Variants in FAM3B observed in about 807,000 individuals in gnomAD.
The protein encoded by FAM3B is FAM3 metabolism regulating signaling molecule B, also known as protein FAM3B.
FAM3B carries 29 observed loss-of-function variants against 28.4 expected under a neutral mutation model. The observed-to-expected ratio is 1.02, with a 90% CI of 0.76 to 1.39. FAM3B has a LOEUF of 1.39. Ranked by LOEUF, FAM3B falls within the 40% of genes most tolerant of loss-of-function variation. The pLI is 0.00. For synonymous variants in FAM3B, 91 were observed against 103.0 expected, an observed-to-expected ratio of 0.88 and a Z score of 0.71; for missense variants, 266 against 293.9, an observed-to-expected ratio of 0.91 and a Z score of 0.69.
At chr21:41,319,527 G>A (rs1374757276) in intron 1 of FAM3B, 1 of 152,434 alleles carries the variant, frequency 6.6e-6, no homozygotes, top group African/African-American at 2.4e-5. Flanking sequence ...CCCCACCTCT[G>A]AAGCTGCTGG....
chr21:41,316,552 T>C (rs2088749905), upstream of FAM3B, among the ~76,000 whole-genome samples: 1 of 152,194 alleles, frequency 6.6e-6, no homozygotes, highest in Admixed American at 6.6e-5. Context: ...GTTTCCTCCC[T>C]TCAGAGCCAA....
chr21:41,307,833 A>T (rs1403455767), intron 1 of FAM3B, among the ~76,000 whole-genome samples: 1 of 152,186 alleles, frequency 6.6e-6, no homozygotes, highest in African/African-American at 2.4e-5. Context: ...CTGATCACAG[A>T]TCCCCATACC....
chr21:41,304,410 C>T (rs553430074), intron 1 of FAM3B: 3 of 410,092 alleles, frequency 7.3e-6, no homozygotes, highest in Non-Finnish European at 1.5e-5. Context: ...GAGTCGCCCC[C>T]GAAGGGCCCC....
chr21:41,315,800 A>G (rs1424487187), upstream of FAM3B, among the ~76,000 whole-genome samples: 3 of 152,112 alleles, frequency 2.0e-5, no homozygotes, highest in Non-Finnish European at 1.5e-5. Context: ...AGCAAAGACA[A>G]TGGTGGAGGG....
At chr21:41,351,099 T>G (rs2089116048) in intron 7 of FAM3B, among the ~76,000 whole-genome samples, 1 of 152,238 alleles carries the variant, frequency 6.6e-6, no homozygotes, top group Non-Finnish European at 1.5e-5. Flanking sequence ...GCTGAAATCC[T>G]TTTTAACTCA....
intron 3 of FAM3B, 135 bp downstream of exon 3, chr21:41,338,636 T>C: frequency 8.3e-7 from 1 of 1,201,140 alleles, no homozygotes; most frequent in Non-Finnish European, 1.1e-6. Flanking sequence ...GCTGAGAGCA[T>C]CCAAGTGGAA....
At chr21:41,321,954 C>G (rs953849159) in intron 1 of FAM3B, among the ~76,000 whole-genome samples, 2 of 152,106 alleles carry the variant, frequency 1.3e-5, no homozygotes, top group Non-Finnish European at 1.5e-5. Context: ...TTCTTTCCTC[C>G]CTGTCTCTCT....
At chr21:41,317,753 C>T (rs763627063) in intron 1 of FAM3B, among the ~76,000 whole-genome samples, 9 of 152,156 alleles carry the variant, frequency 5.9e-5, no homozygotes, top group Non-Finnish European at 1.2e-4. Flanking sequence ...TTGGACTGAA[C>T]CATCGCCATT....
chr21:41,332,432 TG>T (rs1414737215), intron 2 of FAM3B, among the ~76,000 whole-genome samples: 2 of 152,242 alleles, frequency 1.3e-5, no homozygotes, highest in African/African-American at 2.4e-5. Flanking sequence ...ATTAATATTT[TG>T]TTGAGGAATT....
At position 41,326,898 on chromosome 21, in the gene FAM3B, C is replaced by T. The variant is rs1180295329; in HGVS notation, c.163+3832C>T. Among the ~76,000 whole-genome samples the T allele has an allele frequency of 6.6e-6, 1 of 152,228 alleles. No homozygotes were observed. Among genetic ancestry groups the T allele is most frequent in the Non-Finnish European group, 1.5e-5 (1 of 68,038 alleles). On this transcript the variant is annotated intron_variant, in intron 2 of 7. Transcript: ENST00000357985. This position sits in a 1 kb window ranked among gnomAD's most constrained non-coding sequence, Gnocchi z 4.0. ...TTCACCCAAGCTCCTCGTTTCCCTTCACCTAAGTTTAGCAGCTGCTGCCTC... is the reference window on the plus strand; with the variant it reads ...TTCACCCAAGCTCCTCGTTTCCCTTTACCTAAGTTTAGCAGCTGCTGCCTC...
At chr21:41,323,306 C>T (rs1718061165) in intron 2 of FAM3B, among the ~76,000 whole-genome samples, 1 of 152,238 alleles carries the variant, frequency 6.6e-6, no homozygotes, top group Non-Finnish European at 1.5e-5. Context: ...AAACCTGCAG[C>T]CAGACCTTGA....
intron 7 of FAM3B, among the ~76,000 whole-genome samples, chr21:41,351,142 T>G (rs1035051286): frequency 1.1e-4 from 16 of 152,240 alleles, no homozygotes; most frequent in African/African-American, 3.6e-4. Context: ...GGTTCTTCAT[T>G]AATGTTTAAG....
intron 7 of FAM3B, among the ~76,000 whole-genome samples, chr21:41,349,898 G>A (rs113592403): frequency 6.6e-6 from 1 of 152,234 alleles, no homozygotes; most frequent in Non-Finnish European, 1.5e-5. Context: ...CCTGCAGAAC[G>A]TGTAGGGAAT....
chr21:41,306,843 A>G (rs183961191), intron 1 of FAM3B, among the ~76,000 whole-genome samples: 1 of 152,344 alleles, frequency 6.6e-6, no homozygotes, highest in Admixed American at 6.5e-5. Flanking sequence ...ATTTTAGTGC[A>G]TTCATCATCT....
chr21:41,342,361 T>A (rs376350), intron 3 of FAM3B, among the ~76,000 whole-genome samples: 72,818 of 152,138 alleles, frequency 0.48, 22,273 homozygotes, highest in African/African-American at 0.87. Context: ...TTTCTTAAAT[T>A]GGTAGGTATT....
rs376002117 is a variant in FAM3B at position 41,345,683 on chromosome 21, C to T, written c.347-3C>T. Reference sequence around the variant, plus strand: ...TTTAAAATACCATTTCTTTTATTTTCAGATGTAACTGGGAATGTGACAGCA... The same window carrying T: ...TTTAAAATACCATTTCTTTTATTTTTAGATGTAACTGGGAATGTGACAGCA... On this transcript the variant is annotated splice_region_variant and splice_polypyrimidine_tract_variant and intron_variant, in intron 4 of 7. Coordinates refer to ENST00000357985, the MANE Select transcript of FAM3B (RefSeq NM_058186.4). The T allele has an allele frequency of 6.5e-7, 1 of 1,533,200 alleles. No individual in the cohort carries two copies. Among genetic ancestry groups the T allele is most frequent in the African/African-American group, 1.4e-5 (1 of 70,350 alleles). The allele number at this position is 1,533,200 out of a possible 1,614,324, so 95.0% of individuals were successfully genotyped here.
Position 41,357,212 on chromosome 21 carries a change from G to A in FAM3B, c.*15G>A. The stretch of plus-strand genomic sequence containing the variant: ...AACGAAGCTGACACTGCAGGGTCCT[G>A]AGTAAATGTGTTCTGTATAAACAAA... On this transcript the variant is annotated 3_prime_UTR_variant, in exon 8 of 8. Coordinates refer to ENST00000357985, the MANE Select transcript of FAM3B (RefSeq NM_058186.4). 4 of 1,579,120 alleles carry A rather than the reference G, an allele frequency of 2.5e-6. No homozygotes were observed. In the East Asian group the frequency reaches 6.7e-5, roughly 27 times the overall value.
At chr21:41,304,884 C>T (rs946994960) in intron 1 of FAM3B, among the ~76,000 whole-genome samples, 3 of 152,062 alleles carry the variant, frequency 2.0e-5, no homozygotes, top group African/African-American at 7.2e-5. Context: ...TAGGTGGATG[C>T]TATGGTCAAC....
intron 7 of FAM3B, among the ~76,000 whole-genome samples, chr21:41,350,231 A>C (rs1349129505): frequency 2.6e-5 from 4 of 152,070 alleles, no homozygotes; most frequent in African/African-American, 9.7e-5. Context: ...TGTGCACCCC[A>C]TTCTCCCCGG....
Sources: allele counts gnomAD v4.1 joint callset (sites outside exome capture counted in the v4.1 genomes callset), GRCh38; gene constraint gnomAD v4.1.1; non-coding constraint Gnocchi (gnomAD v3.1); transcripts MANE v1.5; gene names NCBI Gene and HGNC (gene_info 2026-07-23, HGNC 2026-07-21).